Variants in VPS13D observed in about 807,000 individuals in gnomAD.
VPS13D encodes vacuolar protein sorting 13 homolog D.
VPS13D carries 187 observed loss-of-function variants against 461.9 expected under a neutral mutation model. The observed-to-expected ratio is 0.40, with a 90% CI of 0.36 to 0.46. The LOEUF (loss-of-function observed/expected upper bound fraction) is 0.46. Among genes scored for constraint, VPS13D ranks in the 20% least tolerant of loss-of-function variants. The pLI, the probability that VPS13D is intolerant of heterozygous loss-of-function variation, is 0.60. For missense variants in VPS13D, 4,711 were observed against 5,364.9 expected, an observed-to-expected ratio of 0.88 and a Z score of 3.81; for synonymous variants, 1,951 against 1,986.3, an observed-to-expected ratio of 0.98 and a Z score of 0.47.
In VPS13D at chr1:12,276,951, G is replaced by A. The variant is rs748166283; in HGVS notation, c.3363G>A (p.Glu1121=). Residue 1121 remains glutamate, a synonymous_variant, in exon 19 of 70, where the codon GAG becomes GAA. Transcript: ENST00000620676. The surrounding 1 kb of genome is among the most constrained non-coding windows in gnomAD (Gnocchi z 4.5). ...DIILNPETIV[E]LIGFLQKSFP... ...TCCTCAATCCAGAGACGATTGTGGA[G>A]CTAATTGGTTTTCTTCAAAAATCCT... The A allele has an allele frequency of 5.6e-6, 9 of 1,614,044 alleles. No homozygotes were observed. In the Admixed American group the frequency reaches 1.5e-4, roughly 27 times the overall value.
intron 63 of VPS13D, chr1:12,409,863 C>G (rs1174872511): frequency 2.2e-6 from 1 of 456,050 alleles, no homozygotes; most frequent in Non-Finnish European, 4.4e-6. Flanking sequence ...CTGGAGAGTT[C>G]AAGATTTATG....
At position 12,348,904 on chromosome 1, in the gene VPS13D, G is replaced by A. The variant is rs748437559; in HGVS notation, c.9151G>A (p.Ala3051Thr). 1 of 1,614,188 alleles carries A rather than the reference G, an allele frequency of 6.2e-7. No homozygotes were observed. Among genetic ancestry groups the A allele is most frequent in the African/African-American group, 1.3e-5 (1 of 75,046 alleles). Residue 3051 changes from alanine to threonine, a missense_variant, in exon 45 of 70, where the codon GCC becomes ACC. Physicochemically the swap from Ala to Thr is moderately conservative, Grantham distance 58. Transcript: ENST00000620676. ...SARKVITVRS[A>T]LIVRNRLETP... ...ACGGAAAGTCATCACTGTCCGGTCA[G>A]CCCTCATTGTGAGGAACAGACTTGA...
Position 12,276,304 on chromosome 1 carries a change from A to G in VPS13D, c.2716A>G (p.Met906Val), listed in dbSNP as rs1213638060. 1.1e-5 allele frequency: 18 copies of G among 1,614,054 alleles called. No homozygotes were observed. The highest frequency in any genetic ancestry group is 1.5e-5 in the Non-Finnish European group (18 of 1,180,036). ...NCFALLTTPEMKTSDTQIKEK... is the reference protein window; with the variant it reads ...NCFALLTTPEVKTSDTQIKEK... ...CTTTGCTCTCCTCACCACCCCAGAA[A>G]TGAAAACTTCTGACACTCAGATTAA... is the stretch of plus-strand genomic sequence containing the variant. Residue 906 changes from methionine to valine, a missense_variant, in exon 19 of 70, where the codon ATG becomes GTG. Physicochemically the swap from Met to Val is conservative, Grantham distance 21 (BLOSUM62 1). Around this residue, in one of 3 missense-constraint regions of VPS13D, gnomAD observed 4,411 missense variants for 4,937.8 expected, o/e 0.89. Coordinates refer to ENST00000620676, the MANE Select transcript of VPS13D (RefSeq NM_015378.4). This position sits in a 1 kb window ranked among gnomAD's most constrained non-coding sequence, Gnocchi z 4.5.
intron 41 of VPS13D, 79 bp from the exon 42 acceptor site, chr1:12,342,820 T>G: frequency 6.8e-7 from 1 of 1,480,352 alleles, no homozygotes. Flanking sequence ...GAGAAGGTTC[T>G]GCTCTTCTGC....
intron 69 of VPS13D, among the ~76,000 whole-genome samples, chr1:12,508,677 C>CA (rs1210792850): frequency 1.3e-5 from 2 of 149,436 alleles, no homozygotes; most frequent in African/African-American, 4.9e-5. Context: ...GCCTAGGCGA[C>CA]AGAGACTCCG....
At chr1:12,431,382 T>C (rs1644989850) in intron 65 of VPS13D, among the ~76,000 whole-genome samples, 1 of 151,136 alleles carries the variant, frequency 6.6e-6, no homozygotes, top group Non-Finnish European at 1.5e-5. Context: ...GTAGAGAAAC[T>C]GAGACCCTGT....
chr1:12,340,155 A>G (rs904924685), intron 40 of VPS13D, among the ~76,000 whole-genome samples: 3 of 151,940 alleles, frequency 2.0e-5, no homozygotes, highest in African/African-American at 7.2e-5. Flanking sequence ...CCTTACAGCT[A>G]CTCCTTAATT....
intron 6 of VPS13D, among the ~76,000 whole-genome samples, chr1:12,250,378 CT>C (rs1640695719): frequency 6.6e-6 from 1 of 152,106 alleles, no homozygotes; most frequent in Non-Finnish European, 1.5e-5. Flanking sequence ...GATCATGAGG[CT>C]TTTTATGAAC....
intron 67 of VPS13D, chr1:12,497,263 G>A (rs576864816): frequency 3.8e-5 from 12 of 317,916 alleles, no homozygotes; most frequent in African/African-American, 1.7e-4. Flanking sequence ...GTTAAGGAAG[G>A]TAACCAACTT....
intron 60 of VPS13D, among the ~76,000 whole-genome samples, chr1:12,397,723 GA>G (rs1481307834): frequency 6.6e-6 from 1 of 152,206 alleles, no homozygotes; most frequent in Non-Finnish European, 1.5e-5. Context: ...CTGCTGTAAA[GA>G]ATAGCTACTT....
chr1:12,291,259 A>T (rs1477743487), intron 23 of VPS13D, 135 bp downstream of exon 23: 1 of 950,570 alleles, frequency 1.1e-6, no homozygotes, highest in African/African-American at 1.7e-5. Flanking sequence ...AGTTATGGTT[A>T]TGAGGAGTTC....
chr1:12,413,669 A>T (rs1644759690), intron 63 of VPS13D, among the ~76,000 whole-genome samples: 1 of 152,180 alleles, frequency 6.6e-6, no homozygotes, highest in Admixed American at 6.5e-5. Flanking sequence ...ACAAGGTCTT[A>T]CTTCTTCACC....
intron 3 of VPS13D, among the ~76,000 whole-genome samples, chr1:12,243,769 A>C (rs1384058329): frequency 6.6e-6 from 1 of 152,228 alleles, no homozygotes; most frequent in Non-Finnish European, 1.5e-5. Flanking sequence ...TTATTGAGAG[A>C]AGGCCAGCAC....
intron 10 of VPS13D, among the ~76,000 whole-genome samples, chr1:12,259,313 C>CT (rs1422676674): frequency 0.046 from 6,659 of 145,988 alleles, 339 homozygotes; most frequent in Admixed American, 0.11. Flanking sequence ...CCAGCCTACT[C>CT]TTTTTATTTT....
intron 65 of VPS13D, among the ~76,000 whole-genome samples, chr1:12,452,793 A>G (rs986513871): frequency 2.0e-5 from 3 of 152,258 alleles, no homozygotes; most frequent in Non-Finnish European, 4.4e-5. Flanking sequence ...TGGTTGGATC[A>G]TAGATTTCAA....
chr1:12,263,031 G>C (rs1641161408), intron 13 of VPS13D, among the ~76,000 whole-genome samples: 1 of 151,822 alleles, frequency 6.6e-6, no homozygotes, highest in South Asian at 2.1e-4. Context: ...ACTTATGGTG[G>C]GTTTATCATA....
At chr1:12,504,411 A>T (rs1400225555) in intron 68 of VPS13D, among the ~76,000 whole-genome samples, 1 of 152,246 alleles carries the variant, frequency 6.6e-6, no homozygotes, top group East Asian at 1.9e-4. Context: ...ATATGTTATT[A>T]TCAGTAGCAG....
intron 67 of VPS13D, among the ~76,000 whole-genome samples, chr1:12,489,986 C>CCTGTCT (rs1645854363): frequency 2.0e-5 from 3 of 152,192 alleles, no homozygotes; most frequent in Admixed American, 2.0e-4. Context: ...TCTAGTGCTC[C>CCTGTCT]CTGTCTCTCC....
At chr1:12,287,009 T>C (rs1019817841) in intron 21 of VPS13D, among the ~76,000 whole-genome samples, 1 of 152,108 alleles carries the variant, frequency 6.6e-6, no homozygotes, top group Non-Finnish European at 1.5e-5. Context: ...TACAGACACC[T>C]GCCACCATGC....
Sources: gnomAD v4.1 joint callset for allele counts (sites outside exome capture counted in the v4.1 genomes callset) on GRCh38, gnomAD v4.1.1 for gene constraint, gnomAD v4.1.1 regional missense constraint, Gnocchi (gnomAD v3.1) non-coding constraint, MANE v1.5 for transcripts, NCBI Gene and HGNC (gene_info 2026-07-23, HGNC 2026-07-21) for gene names.